PPP1R1C: variants seen among roughly 807,000 people sequenced by gnomAD.
PPP1R1C encodes protein phosphatase 1 regulatory subunit 1C.
A neutral mutation model predicts 17.4 loss-of-function variants in PPP1R1C; 15 were observed. The observed-to-expected ratio is 0.86, with a 90% CI of 0.58 to 1.33. PPP1R1C has a LOEUF of 1.33. PPP1R1C is among the 40% of genes most tolerant of loss of function. The pLI is 0.00. For synonymous variants in PPP1R1C, 35 were observed against 43.1 expected, an observed-to-expected ratio of 0.81 and a Z score of 0.73; for missense variants, 143 against 130.0, an observed-to-expected ratio of 1.10 and a Z score of -0.48.
intron 4 of PPP1R1C, among the ~76,000 whole-genome samples, chr2:182,091,530 G>A (rs2125221225): frequency 6.6e-6 from 1 of 152,134 alleles, no homozygotes; most frequent in Middle Eastern, 3.4e-3. Flanking sequence ...AATGTGCAGG[G>A]TTAAAGGATT....
At chr2:182,077,114 C>T (rs1010501165) in intron 4 of PPP1R1C, among the ~76,000 whole-genome samples, 3 of 152,176 alleles carry the variant, frequency 2.0e-5, no homozygotes, top group Admixed American at 6.5e-5. Context: ...TACGTGAATA[C>T]TCATTTGTGT....
chr2:182,071,674 C>G (rs545313373), intron 4 of PPP1R1C, among the ~76,000 whole-genome samples: 38 of 152,306 alleles, frequency 2.5e-4, no homozygotes, highest in African/African-American at 9.1e-4. Context: ...TTCTTTTGCA[C>G]AGATTTGTTT....
At chr2:182,119,595 A>G (rs1157075939), downstream of PPP1R1C, among the ~76,000 whole-genome samples, 1 of 152,186 alleles carries the variant, frequency 6.6e-6, no homozygotes, top group African/African-American at 2.4e-5. Flanking sequence ...AATGATCACC[A>G]TTCCAACTGG....
chr2:181,985,722 A>G, upstream of PPP1R1C: 2 of 216,288 alleles, frequency 9.2e-6, no homozygotes, highest in Non-Finnish European at 1.9e-5. The surrounding 1 kb of genome is among the most constrained non-coding windows in gnomAD (Gnocchi z 4.1). Flanking sequence ...GCCGGTTAGT[A>G]ATGTACAGTG....
intron 2 of PPP1R1C, among the ~76,000 whole-genome samples, chr2:181,977,775 G>C (rs1685120551): frequency 6.6e-6 from 1 of 152,140 alleles, no homozygotes; most frequent in Non-Finnish European, 1.5e-5. Context: ...CCACTATGTT[G>C]AGGGCCTCAG....
In PPP1R1C at chr2:182,047,550, A is replaced by G. The variant is rs556874826; in HGVS notation, c.143-13892A>G. Among the ~76,000 whole-genome samples the G allele has an allele frequency of 7.2e-5, 11 of 152,334 alleles. No individual in the cohort carries two copies. The East Asian group carries it at 9.7e-4, about 13-fold the overall frequency. On this transcript the variant is annotated intron_variant, in intron 2 of 4. Coordinates refer to ENST00000682840, the MANE Select transcript of PPP1R1C (RefSeq NM_001080545.3). ...TGTCATCCCCAAAGAAAACCCATCC[A>G]TTAAGTGAACCAACTTATTTTTCTG...
At chr2:181,963,888 A>G (rs1373530153) in intron 1 of PPP1R1C, among the ~76,000 whole-genome samples, 1 of 152,134 alleles carries the variant, frequency 6.6e-6, no homozygotes. Flanking sequence ...ACAGGCATAC[A>G]ATGCATAATA....
In PPP1R1C at chr2:181,989,412, C is replaced by T. The variant is rs1056773444; in HGVS notation, c.142+1513C>T. Among the ~76,000 whole-genome samples, 21 of 152,160 alleles carry T rather than the reference C, an allele frequency of 1.4e-4. No individual in the cohort carries two copies. The East Asian group carries it at 1.7e-3, about 13-fold the overall frequency. ...TTTGTGGCTATTCCACTAGAAGTGA[C>T]GGATTCCAGAGACAAATGCAGGTAA... On this transcript the variant is annotated intron_variant, in intron 2 of 4. Transcript: ENST00000682840.
chr2:181,994,614 G>A (rs116051236), intron 2 of PPP1R1C, among the ~76,000 whole-genome samples: 4 of 152,062 alleles, frequency 2.6e-5, no homozygotes, highest in Non-Finnish European at 5.9e-5. Context: ...CCCATTGTCT[G>A]GTCATGTTAG....
intron 2 of PPP1R1C, among the ~76,000 whole-genome samples, chr2:182,025,187 AT>A (rs1296060798): frequency 6.7e-6 from 1 of 148,158 alleles, no homozygotes; most frequent in East Asian, 2.0e-4. Context: ...TATTATTATT[AT>A]TATTATTATT....
chr2:182,038,415 T>G (rs2125177380), intron 2 of PPP1R1C, among the ~76,000 whole-genome samples: 1 of 152,294 alleles, frequency 6.6e-6, no homozygotes, highest in South Asian at 2.1e-4. Context: ...ATCTTAGTGG[T>G]TTGCTTCTTC....
At position 181,966,471 on chromosome 2, in the gene PPP1R1C, A is replaced by G. The variant is rs1327775649; in HGVS notation, n.112-8748A>G. ...TATATGGCTTTTATTGCATTGAGGT[A>G]TGTGTCTTCTATACCCAGTTTTTTT... On this transcript the variant is annotated intron_variant and non_coding_transcript_variant, in intron 1 of 5. Coordinates refer to the PPP1R1C transcript ENST00000464264. Among the ~76,000 whole-genome samples the G allele has an allele frequency of 3.3e-5, 5 of 152,200 alleles. No individual in the cohort carries two copies. In the East Asian group the frequency reaches 9.6e-4, roughly 29 times the overall value.
At chr2:181,983,977 A>G (rs1685241240), upstream of PPP1R1C, among the ~76,000 whole-genome samples, 2 of 152,224 alleles carry the variant, frequency 1.3e-5, no homozygotes, top group Non-Finnish European at 2.9e-5. Context: ...AAAATAGGGC[A>G]ATTAGTTAAT....
intron 2 of PPP1R1C, among the ~76,000 whole-genome samples, chr2:181,996,023 C>T (rs1041684077): frequency 2.0e-5 from 3 of 152,106 alleles, no homozygotes; most frequent in Non-Finnish European, 2.9e-5. Context: ...CAAGCTCCAT[C>T]CAAGGCTTTC....
intron 2 of PPP1R1C, among the ~76,000 whole-genome samples, chr2:181,995,391 C>T (rs1373738752): frequency 1.3e-5 from 2 of 152,106 alleles, no homozygotes; most frequent in East Asian, 1.9e-4. Flanking sequence ...AGAAAAATAG[C>T]GCATCCTCCT....
At chr2:182,077,610 C>T (rs1351560132) in intron 4 of PPP1R1C, among the ~76,000 whole-genome samples, 1 of 152,098 alleles carries the variant, frequency 6.6e-6, no homozygotes, top group African/African-American at 2.4e-5. Context: ...AGAGCAGATC[C>T]CATGGAGCCA....
intron 2 of PPP1R1C, among the ~76,000 whole-genome samples, chr2:182,013,306 G>A (rs1049863783): frequency 6.6e-6 from 1 of 151,882 alleles, no homozygotes. Flanking sequence ...ACTATTCTAG[G>A]GTAAAAGTTT....
intron 2 of PPP1R1C, among the ~76,000 whole-genome samples, chr2:182,005,260 A>G (rs770469056): frequency 3.9e-5 from 6 of 152,198 alleles, no homozygotes; most frequent in Non-Finnish European, 8.8e-5. Context: ...ATCATTAGCT[A>G]AGCAATTTAG....
chr2:182,000,929 G>A (rs893976591), intron 2 of PPP1R1C, among the ~76,000 whole-genome samples: 4 of 152,110 alleles, frequency 2.6e-5, no homozygotes, highest in Non-Finnish European at 5.9e-5. Flanking sequence ...CTCTGGATAG[G>A]ATGGCTGCAA....
Sources: allele counts gnomAD v4.1 joint callset (sites outside exome capture counted in the v4.1 genomes callset), GRCh38; gene constraint gnomAD v4.1.1; non-coding constraint Gnocchi (gnomAD v3.1); transcripts MANE v1.5; gene names NCBI Gene and HGNC (gene_info 2026-07-23, HGNC 2026-07-21).